ZNF536: variants seen among roughly 807,000 people sequenced by gnomAD.
ZNF536 encodes zinc finger protein 536.
A neutral mutation model predicts 84.5 loss-of-function variants in ZNF536; 13 were observed. That is an observed-to-expected ratio of 0.15 (90% confidence interval 0.10 to 0.24). The LOEUF is 0.24. ZNF536 is among the 10% of genes least tolerant of loss of function. ZNF536 has a pLI of 1.00. For missense variants in ZNF536, 1,536 were observed against 1,747.5 expected, an observed-to-expected ratio of 0.88 and a Z score of 2.16; for synonymous variants, 811 against 742.5, an observed-to-expected ratio of 1.09 and a Z score of -1.50.
chr19:30,560,029 C>A (rs536960719), downstream of ZNF536, among the ~76,000 whole-genome samples: 108 of 152,180 alleles, frequency 7.1e-4, no homozygotes, highest in Middle Eastern at 3.4e-3. Flanking sequence ...GCCGTACACT[C>A]CCCCTGCTTC....
chr19:30,246,066 GC>G lies in ZNF536; in HGVS notation c.-190+17398del, dbSNP rs1436770434. Among the ~76,000 whole-genome samples, 3 of 152,166 alleles carry G rather than the reference GC, an allele frequency of 2.0e-5. No individual in the cohort carries two copies. The East Asian group carries it at 5.8e-4, about 29-fold the overall frequency. On this transcript the variant is annotated intron_variant, in intron 1 of 5. Transcript: ENST00000585628. The stretch of plus-strand genomic sequence containing the variant: ...GGAGACGAGAGAAGATGCTGCCCCG[GC>G]CCCCTGATTGGTGAGCCGCTCATCT...
intron 2 of ZNF536, among the ~76,000 whole-genome samples, chr19:30,297,189 G>T (rs2046024624): frequency 2.0e-5 from 3 of 152,180 alleles, no homozygotes; most frequent in Admixed American, 6.5e-5. Flanking sequence ...CAACTTAAAT[G>T]AGATGCATTT....
At chr19:30,325,245 G>T (rs971440895) in intron 2 of ZNF536, among the ~76,000 whole-genome samples, 8 of 152,210 alleles carry the variant, frequency 5.3e-5, no homozygotes, top group African/African-American at 1.9e-4. Context: ...ACAGAAGATG[G>T]CTCTAGTTAG....
chr19:30,431,907 G>A (rs978711484), intron 1 of ZNF536, among the ~76,000 whole-genome samples: 1 of 152,090 alleles, frequency 6.6e-6, no homozygotes, highest in Non-Finnish European at 1.5e-5. Flanking sequence ...CCAGCGAGAG[G>A]AGAGTAATCA....
At chr19:30,353,901 C>T (rs1163404308) in intron 3 of ZNF536, among the ~76,000 whole-genome samples, 1 of 152,214 alleles carries the variant, frequency 6.6e-6, no homozygotes, top group Non-Finnish European at 1.5e-5. Context: ...ATGCCTCAGG[C>T]CTCAGGTAGG....
At chr19:30,682,600 A>G (rs2051020123) in intron 1 of ZNF536, among the ~76,000 whole-genome samples, 1 of 152,128 alleles carries the variant, frequency 6.6e-6, no homozygotes, top group Admixed American at 6.5e-5. Context: ...ATATTAAGTA[A>G]CGTTGGCAGG....
chr19:30,525,294 C>T (rs1470342010), intron 2 of ZNF536, among the ~76,000 whole-genome samples: 1 of 152,210 alleles, frequency 6.6e-6, no homozygotes, highest in Non-Finnish European at 1.5e-5. Context: ...GCTGAACACT[C>T]TGGAGCACTT....
upstream of ZNF536, among the ~76,000 whole-genome samples, chr19:30,227,419 A>T (rs2022674110): frequency 6.6e-6 from 1 of 152,150 alleles, no homozygotes; most frequent in Non-Finnish European, 1.5e-5. Flanking sequence ...GGGGCCGAGA[A>T]AGAGCAGGGC....
At chr19:30,309,265 AG>A (rs1424372505) in intron 2 of ZNF536, among the ~76,000 whole-genome samples, 1 of 152,232 alleles carries the variant, frequency 6.6e-6, no homozygotes, top group Non-Finnish European at 1.5e-5. Flanking sequence ...AAATGGGGAA[AG>A]GGGGCAAAGA....
chr19:30,409,149 A>G (rs1349425891), intron 1 of ZNF536, among the ~76,000 whole-genome samples: 3 of 152,216 alleles, frequency 2.0e-5, no homozygotes, highest in Non-Finnish European at 4.4e-5. Context: ...CCATTCATCC[A>G]TCTATCCATA....
chr19:30,540,074 C>T (rs1360683941), intron 3 of ZNF536, among the ~76,000 whole-genome samples: 3 of 152,166 alleles, frequency 2.0e-5, no homozygotes, highest in African/African-American at 7.2e-5. Flanking sequence ...AGCCCCGAGT[C>T]GGGAACCTCT....
At chr19:30,304,807 C>T (rs543448787) in intron 2 of ZNF536, among the ~76,000 whole-genome samples, 4 of 152,298 alleles carry the variant, frequency 2.6e-5, no homozygotes, top group Non-Finnish European at 4.4e-5. Context: ...GGCTCTTAGC[C>T]GCTGCAGGCA....
At chr19:30,555,709 G>C (rs1197349887) in intron 4 of ZNF536, 1 of 152,244 alleles carries the variant, frequency 6.6e-6, no homozygotes. Flanking sequence ...GGCCGCATAT[G>C]TGCAGACACC....
chr19:30,663,387 T>C (rs1342901337), intron 1 of ZNF536, among the ~76,000 whole-genome samples: 1 of 152,230 alleles, frequency 6.6e-6, no homozygotes, highest in African/African-American at 2.4e-5. Context: ...CAGGATATGG[T>C]ATATGCATAC....
chr19:30,567,139 C>T (rs1171442355), intron 1 of ZNF536, among the ~76,000 whole-genome samples: 2 of 152,196 alleles, frequency 1.3e-5, no homozygotes, highest in South Asian at 2.1e-4. Context: ...ATTTGAGATG[C>T]GTCAAAAATA....
intron 1 of ZNF536, among the ~76,000 whole-genome samples, chr19:30,652,760 G>A (rs972063814): frequency 2.0e-5 from 3 of 152,206 alleles, no homozygotes; most frequent in African/African-American, 7.2e-5. Flanking sequence ...TGGGCTTCCT[G>A]TCCTAGTGAT....
At chr19:30,451,519 G>A (rs915110964) in intron 2 of ZNF536, among the ~76,000 whole-genome samples, 4 of 152,140 alleles carry the variant, frequency 2.6e-5, no homozygotes, top group Admixed American at 6.5e-5. Flanking sequence ...CCAGTCCACC[G>A]TCACTTGGCA....
At chr19:30,584,404 G>C (rs1004872948) in intron 1 of ZNF536, among the ~76,000 whole-genome samples, 6 of 152,220 alleles carry the variant, frequency 3.9e-5, no homozygotes, top group African/African-American at 1.4e-4. Context: ...GTTTAGTCTG[G>C]GTGTAGTGGA....
chr19:30,518,058 CCTT>C (rs1384874480), intron 2 of ZNF536, among the ~76,000 whole-genome samples: 2 of 152,130 alleles, frequency 1.3e-5, no homozygotes, highest in East Asian at 1.9e-4. Context: ...TGAACTGTCT[CCTT>C]CTTTCCAGAA....
Sources: gnomAD v4.1 joint callset for allele counts (sites outside exome capture counted in the v4.1 genomes callset) on GRCh38, gnomAD v4.1.1 for gene constraint, MANE v1.5 for transcripts, NCBI Gene and HGNC (gene_info 2026-07-23, HGNC 2026-07-21) for gene names.